FHIT: variants seen among roughly 807,000 people sequenced by gnomAD.
FHIT encodes bis(5'-adenosyl)-triphosphatase.
Under a neutral mutation model 17.9 loss-of-function variants are expected in FHIT, and 19 were observed. The observed-to-expected ratio is 1.06, with a 90% CI of 0.74 to 1.56. The LOEUF (loss-of-function observed/expected upper bound fraction) is 1.56, where lower values mean the gene tolerates loss of function less well. Among genes scored for constraint, FHIT ranks in the 40% most tolerant of loss-of-function variants. The pLI is 0.00. For missense variants in FHIT, 248 were observed against 189.2 expected, an observed-to-expected ratio of 1.31 and a Z score of -1.82; for synonymous variants, 81 against 69.7, an observed-to-expected ratio of 1.16 and a Z score of -0.81.
chr3:60,990,263 C>A (rs149864576), intron 3 of FHIT, among the ~76,000 whole-genome samples: 2 of 152,278 alleles, frequency 1.3e-5, no homozygotes, highest in Non-Finnish European at 2.9e-5. Context: ...AAGAGAGTGG[C>A]GAATGCGATA....
rs568859921 is a variant in FHIT at position 60,001,540 on chromosome 3, C to G, written c.279+9831G>C. Reference sequence around the variant, plus strand: ...CAGACTACTTTGGTAGTGAGGAAATCGAGATCAGAGCGATTCAGAACTGGA... The same window carrying G: ...CAGACTACTTTGGTAGTGAGGAAATGGAGATCAGAGCGATTCAGAACTGGA... On this transcript the variant is annotated intron_variant, in intron 7 of 9. Transcript: ENST00000492590. Among the ~76,000 whole-genome samples, 5 of 152,220 alleles carry G rather than the reference C, an allele frequency of 3.3e-5. No individual in the cohort carries two copies. The South Asian group carries it at 8.3e-4, about 25-fold the overall frequency.
At chr3:59,983,462 C>T (rs1355908824) in intron 7 of FHIT, among the ~76,000 whole-genome samples, 1 of 152,014 alleles carries the variant, frequency 6.6e-6, no homozygotes, top group Admixed American at 6.6e-5. Context: ...CTTTGTACTA[C>T]AATATATTGG....
intron 3 of FHIT, among the ~76,000 whole-genome samples, chr3:60,964,007 A>T (rs1709590976): frequency 6.6e-6 from 1 of 152,100 alleles, no homozygotes; most frequent in South Asian, 2.1e-4. Context: ...TGTCTCATTG[A>T]TCTGTCTAAT....
chr3:60,161,319 A>G (rs62238476), intron 5 of FHIT, among the ~76,000 whole-genome samples: 82 of 152,220 alleles, frequency 5.4e-4, no homozygotes, highest in Non-Finnish European at 1.1e-3. Context: ...AAAACGGCAC[A>G]ACGTCTGCCT....
chr3:60,925,580 C>A (rs745517858), intron 3 of FHIT, among the ~76,000 whole-genome samples: 1 of 152,218 alleles, frequency 6.6e-6, no homozygotes. Context: ...TGGAAAGGAA[C>A]AACTGGTACC....
At chr3:60,397,976 T>C (rs1471862009) in intron 5 of FHIT, among the ~76,000 whole-genome samples, 1 of 152,094 alleles carries the variant, frequency 6.6e-6, no homozygotes, top group Non-Finnish European at 1.5e-5. Flanking sequence ...GCCTCAGCCA[T>C]ATTAGAGAAT....
chr3:60,252,562 G>A lies in FHIT; in HGVS notation c.104-238410C>T, dbSNP rs375302322. Among the ~76,000 whole-genome samples, 13 of 151,166 alleles carry A rather than the reference G, an allele frequency of 8.6e-5. No homozygotes were observed. The East Asian group carries it at 9.8e-4, about 11-fold the overall frequency. ...CTGGGCGACAGTGAAACTCTGCCTC[G>A]AAAAGAAAAAAATAAATAAATAGAA... On this transcript the variant is annotated intron_variant, in intron 5 of 9. Coordinates refer to ENST00000492590, the MANE Select transcript of FHIT (RefSeq NM_002012.4).
intron 5 of FHIT, among the ~76,000 whole-genome samples, chr3:60,130,002 T>C (rs965894048): frequency 7.9e-5 from 12 of 152,258 alleles, no homozygotes; most frequent in Middle Eastern, 6.8e-3. Flanking sequence ...CTCACCTACA[T>C]ACACACACCA....
At chr3:60,466,102 C>G (rs768886706) in intron 5 of FHIT, among the ~76,000 whole-genome samples, 1 of 151,964 alleles carries the variant, frequency 6.6e-6, no homozygotes, top group Non-Finnish European at 1.5e-5. Flanking sequence ...ACATCTTTCA[C>G]TTCTCTGGTT....
intron 5 of FHIT, among the ~76,000 whole-genome samples, chr3:60,145,212 AT>A (rs1700191514): frequency 6.6e-6 from 1 of 152,082 alleles, no homozygotes; most frequent in African/African-American, 2.4e-5. Context: ...CCTCGGTGTT[AT>A]TGGAAATTGC....
rs569409004 is a variant in FHIT, at chr3:60,068,941, T to C, written c.104-54789A>G. On this transcript the variant is annotated intron_variant, in intron 5 of 9. Transcript: ENST00000492590. The stretch of plus-strand genomic sequence containing the variant: ...TATTGTAAGACTGTTTCTCTATTAC[T>C]AAAATACAGAAGTGGTTATATAAAT... 3.4e-4 allele frequency among the ~76,000 whole-genome samples: 52 copies of C among 152,312 alleles called. 1 individual carries two copies. In the South Asian group the frequency reaches 0.011, roughly 31 times the overall value.
chr3:60,691,068 A>T (rs782421305), intron 4 of FHIT, among the ~76,000 whole-genome samples: 44 of 151,880 alleles, frequency 2.9e-4, no homozygotes, highest in Admixed American at 9.2e-4. Context: ...ATGATATAAA[A>T]CCCTTTTCAT....
At chr3:60,507,132 G>T (rs1458367571) in intron 5 of FHIT, among the ~76,000 whole-genome samples, 1 of 152,180 alleles carries the variant, frequency 6.6e-6, no homozygotes, top group East Asian at 1.9e-4. Flanking sequence ...TATAATAAAG[G>T]AAAGTGGCCA....
At chr3:59,905,975 G>A (rs2107109688) in intron 8 of FHIT, among the ~76,000 whole-genome samples, 1 of 152,324 alleles carries the variant, frequency 6.6e-6, no homozygotes, top group South Asian at 2.1e-4. Flanking sequence ...AAGGTACTGT[G>A]TGATTCTGGG....
chr3:60,270,850 A>C (rs950432370), intron 5 of FHIT, among the ~76,000 whole-genome samples: 1 of 152,216 alleles, frequency 6.6e-6, no homozygotes, highest in African/African-American at 2.4e-5. Flanking sequence ...CTTCCAGAGA[A>C]AGCCATATCT....
In FHIT at chr3:61,026,755, G is replaced by A. The variant is rs184652791; in HGVS notation, c.-111+15292C>T. Among the ~76,000 whole-genome samples the A allele has an allele frequency of 1.6e-3, 237 of 152,230 alleles. 3 individuals carry two copies. The South Asian group carries it at 0.017, about 11-fold the overall frequency. On this transcript the variant is annotated intron_variant, in intron 3 of 9. Coordinates refer to ENST00000492590, the MANE Select transcript of FHIT (RefSeq NM_002012.4). Reference sequence around the variant, plus strand: ...GCCCAGGGAAGCCAAAAGATTGGACGCCGCTGCTAAAGCTTACAATGAGCT... The same window carrying A: ...GCCCAGGGAAGCCAAAAGATTGGACACCGCTGCTAAAGCTTACAATGAGCT...
chr3:61,021,714 T>G (rs546928503), intron 3 of FHIT, among the ~76,000 whole-genome samples: 170 of 151,460 alleles, frequency 1.1e-3, no homozygotes, highest in African/African-American at 4.0e-3. Context: ...CACAACTACA[T>G]GGAAACTGAA....
At chr3:60,356,404 T>C (rs1414588420) in intron 5 of FHIT, among the ~76,000 whole-genome samples, 2 of 152,116 alleles carry the variant, frequency 1.3e-5, no homozygotes, top group African/African-American at 2.4e-5. Flanking sequence ...CTTCAGACAA[T>C]GTAGGAGAAC....
In FHIT at chr3:59,795,051, A is replaced by G. The variant is rs988014188; in HGVS notation, c.349-42730T>C. Among the ~76,000 whole-genome samples, 13 of 152,292 alleles carry G rather than the reference A, an allele frequency of 8.5e-5. No individual in the cohort carries two copies. In the South Asian group the frequency reaches 1.0e-3, roughly 12 times the overall value. On this transcript the variant is annotated intron_variant, in intron 8 of 9. Transcript: ENST00000492590. ...GAGAATGCAATGCAAAGCATGTAGC[A>G]TGGGGTCTAGCATACAGTAAGTTCT...
Sources: gnomAD v4.1 joint callset for allele counts (sites outside exome capture counted in the v4.1 genomes callset) on GRCh38, gnomAD v4.1.1 for gene constraint, MANE v1.5 for transcripts, NCBI Gene and HGNC (gene_info 2026-07-23, HGNC 2026-07-21) for gene names.